The following FAN1 variants were observed in gnomAD, a reference collection of about 807,000 sequenced individuals.
The protein encoded by FAN1 is FANCD2 and FANCI associated nuclease 1, also known as fanconi-associated nuclease 1.
In FAN1, 91 loss-of-function variants were observed where a neutral mutation model predicts 104.9. The ratio of observed to expected loss-of-function variants is 0.87; its 90% CI spans 0.73 to 1.03. The LOEUF is 1.03. Ranked by LOEUF, FAN1 falls within the 50% of genes least tolerant of loss-of-function variation. The probability of loss-of-function intolerance (pLI) is 0.00; values close to 1 mark genes in which losing one functional copy is unlikely to be tolerated. For missense variants in FAN1, 1,263 were observed against 1,239.9 expected (o/e 1.02, Z -0.28); for synonymous variants, 478 against 457.6 (o/e 1.04, Z -0.57).
Position 30,922,276 on chromosome 15 carries a change from T to G in FAN1, c.2094T>G (p.Ile698Met), listed in dbSNP as rs2062352330. Residue 698 changes from isoleucine to methionine, a missense_variant, in exon 8 of 15, where the codon ATT becomes ATG. Transcript: ENST00000362065. ...TTGAAAGCCTTTTGTCTCAGAGAAT[T>G]TATTGTCCTGACAGCAGAGGCCGAT... ...RELESLLSQR[I>M]YCPDSRGRWW... 1 of 1,613,636 alleles carries G rather than the reference T, an allele frequency of 6.2e-7. No homozygotes were observed. Among genetic ancestry groups the G allele is most frequent in the Non-Finnish European group, 8.5e-7 (1 of 1,179,938 alleles).
chr15:30,908,269 T>G lies in FAN1; in HGVS notation c.1375+11T>G. ...GCTTTCTACAGACAGGTATGACTAG[T>G]AGAAGGAGATGTGAAATGAAAATAT... is the stretch of plus-strand genomic sequence containing the variant. On this transcript the variant is annotated intron_variant, in intron 3 of 14. Coordinates refer to ENST00000362065, the MANE Select transcript of FAN1 (RefSeq NM_014967.5). The G allele has an allele frequency of 6.4e-7, 1 of 1,570,334 alleles. No homozygotes were observed.
intron 13 of FAN1, among the ~76,000 whole-genome samples, chr15:30,935,092 G>A (rs2062816135): frequency 6.6e-6 from 1 of 152,042 alleles, no homozygotes; most frequent in African/African-American, 2.4e-5. Context: ...GATTGCTTGG[G>A]CTCAGGAGTT....
chr15:30,941,467 A>AT (rs759046810), intron 14 of FAN1, 99 bp from the exon 15 acceptor site: 2 of 1,600,646 alleles, frequency 1.2e-6, no homozygotes, highest in Non-Finnish European at 1.7e-6. Flanking sequence ...AAAACACCCT[A>AT]TTTTAGTCTT....
Position 30,914,042 on chromosome 15 carries a change from A to G in FAN1, c.1762A>G (p.Thr588Ala). Residue 588 changes from threonine (T) to alanine (A), a missense_variant, in exon 5 of 15, where the codon ACC (threonine) becomes GCC (alanine). Transcript: ENST00000362065. ...NLGRMEFPSY[T>A]INRKTHIFQD... ...CGGCCGAATGGAGTTTCCTAGTTAC[A>G]CCATCAATCGGAAAACCCACATCTT... 2 of 1,614,172 alleles carry G rather than the reference A, an allele frequency of 1.2e-6. No homozygotes were observed. Among genetic ancestry groups the G allele is most frequent in the Non-Finnish European group, 1.7e-6 (2 of 1,180,026 alleles).
rs192287667 is a variant in FAN1, at chr15:30,904,371, C to T, written c.-152-141C>T. The T allele has an allele frequency of 1.6e-5, 8 of 514,130 alleles. No homozygotes were observed. The East Asian group carries it at 2.2e-4, about 14-fold the overall frequency. 31.8% of individuals were successfully genotyped at this position (514,130 alleles called of 1,614,324 possible). A position where few individuals can be genotyped will look rare whatever the true frequency, so the allele number is the denominator to read the frequency against. ...CACTAAGATCGCGTACAGAGCTTGT[C>T]GGAGGGGCTTGGTCTTCTGTCTCAC... is the stretch of plus-strand genomic sequence containing the variant. On this transcript the variant is annotated intron_variant, in intron 1 of 14. Coordinates refer to ENST00000362065, the MANE Select transcript of FAN1 (RefSeq NM_014967.5).
At chr15:30,939,338 C>T (rs1021502171) in intron 14 of FAN1, 31 of 985,348 alleles carry the variant, frequency 3.1e-5, no homozygotes, top group African/African-American at 1.7e-4. Flanking sequence ...GCTCTGCTGG[C>T]GGGCAGCAGG....
At chr15:30,932,154 G>A (rs1015800490) in intron 13 of FAN1, among the ~76,000 whole-genome samples, 1 of 148,722 alleles carries the variant, frequency 6.7e-6, no homozygotes, top group Non-Finnish European at 1.5e-5. Context: ...CTCAGGAGGT[G>A]GAGCTTGCAG....
chr15:30,904,632 A>T lies in FAN1; in HGVS notation c.-32A>T. On this transcript the variant is annotated 5_prime_UTR_variant, in exon 2 of 15. Transcript: ENST00000362065. ...TTTCACCTTAAATATCCTGTGTTTT[A>T]TTGCTCAGAACATCCAGTTTTTCTA... is the stretch of plus-strand genomic sequence containing the variant. 1 of 1,605,130 alleles carries T rather than the reference A, an allele frequency of 6.2e-7. No individual in the cohort carries two copies. The highest frequency in any genetic ancestry group is 8.5e-7 in the Non-Finnish European group (1 of 1,174,694).
In FAN1 at chr15:30,904,618, A is replaced by G. The variant is rs1157593655; in HGVS notation, c.-46A>G. On this transcript the variant is annotated 5_prime_UTR_variant, in exon 2 of 15. Transcript: ENST00000362065. ...AAACCATTGCTATCTTTCACCTTAA[A>G]TATCCTGTGTTTTATTGCTCAGAAC... The G allele has an allele frequency of 1.9e-6, 3 of 1,581,890 alleles. No individual in the cohort carries two copies. The highest frequency in any genetic ancestry group is 2.6e-6 in the Non-Finnish European group (3 of 1,153,966).
intron 13 of FAN1, among the ~76,000 whole-genome samples, chr15:30,931,052 T>G (rs2062697779): frequency 6.6e-6 from 1 of 152,196 alleles, no homozygotes; most frequent in Non-Finnish European, 1.5e-5. Context: ...CATTTTAAAA[T>G]GACTTAAAGA....
chr15:30,936,505 A>G (rs1394338934), intron 13 of FAN1, among the ~76,000 whole-genome samples: 2 of 152,244 alleles, frequency 1.3e-5, no homozygotes, highest in East Asian at 3.8e-4. Flanking sequence ...CATTTGCTAT[A>G]CTAAGAATCA....
rs769508027 is a variant in FAN1, at chr15:30,910,631, C to G, written c.1393C>G (p.Leu465Val). 6.3e-7 allele frequency: 1 copy of G among 1,593,136 alleles called. No individual in the cohort carries two copies. The highest frequency in any genetic ancestry group is 2.3e-5 in the East Asian group (1 of 44,336). The change falls in exon 4 of 15, where the codon CTC becomes GTC. Residue 465 changes from leucine to valine, a missense_variant. Leu to Val is a conservative substitution (Grantham distance 32, BLOSUM62 1). Coordinates refer to ENST00000362065, the MANE Select transcript of FAN1 (RefSeq NM_014967.5). ...FLQTESELQELSEVLELLSAP... is the reference protein window; with the variant it reads ...FLQTESELQEVSEVLELLSAP... Reference sequence around the variant, plus strand: ...CATTTCAGAATCTGAGTTGCAAGAACTCTCTGAAGTGCTTGAACTCCTTTC... The same window carrying G: ...CATTTCAGAATCTGAGTTGCAAGAAGTCTCTGAAGTGCTTGAACTCCTTTC...
At chr15:30,908,046 C>A (rs568070731) in intron 2 of FAN1, 72 bp from the exon 3 acceptor site, 1 of 1,298,538 alleles carries the variant, frequency 7.7e-7, no homozygotes, top group South Asian at 1.6e-5. Flanking sequence ...ATTTCTAAAT[C>A]GTACATTTAT....
Position 30,940,863 on chromosome 15 carries a change from A to C in FAN1, c.*4-703A>C, listed in dbSNP as rs917884371. ...TATCTGCAGCAAATGCTTTAAAATT[A>C]ACAGTGCATATCATTTTAAAGTTGA... On this transcript the variant is annotated intron_variant, in intron 14 of 14. Coordinates refer to ENST00000362065, the MANE Select transcript of FAN1 (RefSeq NM_014967.5). 3 of 991,914 alleles carry C rather than the reference A, an allele frequency of 3.0e-6. No individual in the cohort carries two copies. The African/African-American group carries it at 5.2e-5, about 17-fold the overall frequency. The allele number at this position is 991,914 out of a possible 1,614,324, so 61.4% of individuals were successfully genotyped here. A position where few individuals can be genotyped will look rare whatever the true frequency, so the allele number is the denominator to read the frequency against.
Position 30,910,701 on chromosome 15 carries a change from A to C in FAN1, c.1463A>C (p.Asn488Thr). The C allele has an allele frequency of 6.2e-7, 1 of 1,613,970 alleles. No individual in the cohort carries two copies. Among genetic ancestry groups the C allele is most frequent in the African/African-American group, 1.3e-5 (1 of 75,020 alleles). ...KSLAKTFHLVNPNGQKQQLVD... is the reference protein window; with the variant it reads ...KSLAKTFHLVTPNGQKQQLVD... ...CTAGCCAAGACCTTCCACTTGGTGA[A>C]TCCCAATGGACAGAAACAGCAGCTG... The change falls in exon 4 of 15, where the codon AAT becomes ACT. Residue 488 changes from asparagine (N) to threonine (T), a missense_variant. Around this residue, in one of 2 missense-constraint regions of FAN1, gnomAD observed 682 missense variants for 571.1 expected, o/e 1.19. Transcript: ENST00000362065.
rs1177240861 is a variant in FAN1, at chr15:30,925,249, C to T, written c.2295C>T (p.Leu765=). The T allele has an allele frequency of 1.9e-6, 3 of 1,614,178 alleles. No individual in the cohort carries two copies. Among genetic ancestry groups the T allele is most frequent in the Middle Eastern group, 1.6e-4 (1 of 6,062 alleles). Reference sequence around the variant, plus strand: ...CGAGCTGTAAAAAGTTCAAGCACCTCTTCCAGCAGCTCCCAGAAATGGCTG... The same window carrying T: ...CGAGCTGTAAAAAGTTCAAGCACCTTTTCCAGCAGCTCCCAGAAATGGCTG... The part of the protein sequence containing the change: ...ESPSCKKFKH[L]FQQLPEMAVQ... Residue 765 remains leucine (L), a synonymous_variant, in exon 9 of 15, where the codon CTC becomes CTT. Coordinates refer to ENST00000362065, the MANE Select transcript of FAN1 (RefSeq NM_014967.5).
chr15:30,941,913 A>G lies in FAN1; in HGVS notation c.*351A>G, dbSNP rs765447246. ...GCGGGTTTGGAAAACCATTCTCTAA[A>G]ATACTGCTCCGTATCACTGTTCTGG... is the stretch of plus-strand genomic sequence containing the variant. On this transcript the variant is annotated 3_prime_UTR_variant, in exon 15 of 15. Transcript: ENST00000362065. The G allele has an allele frequency of 6.2e-7, 1 of 1,613,948 alleles. No homozygotes were observed. The highest frequency in any genetic ancestry group is 2.2e-5 in the East Asian group (1 of 44,884).
At chr15:30,915,811 T>G (rs1322098478) in intron 5 of FAN1, among the ~76,000 whole-genome samples, 2 of 151,990 alleles carry the variant, frequency 1.3e-5, no homozygotes, top group Non-Finnish European at 2.9e-5. Context: ...AGTGTAGGTC[T>G]TAGGAAAAAA....
chr15:30,931,018 T>C (rs2062697307), intron 13 of FAN1, among the ~76,000 whole-genome samples: 1 of 152,180 alleles, frequency 6.6e-6, no homozygotes, highest in Admixed American at 6.5e-5. Context: ...CAGGAGCTAT[T>C]TTAGAAGCTT....
Sources: allele counts gnomAD v4.1 joint callset (sites outside exome capture counted in the v4.1 genomes callset), GRCh38; gene constraint gnomAD v4.1.1; regional missense constraint gnomAD v4.1.1; transcripts MANE v1.5; gene names NCBI Gene and HGNC (gene_info 2026-07-23, HGNC 2026-07-21).